Variants in SLC35F4 observed in about 807,000 individuals in gnomAD.
The protein encoded by SLC35F4 is chromosome 14 open reading frame 36.
SLC35F4 carries 24 observed loss-of-function variants against 44.2 expected under a neutral mutation model. The ratio of observed to expected loss-of-function variants is 0.54; its 90% CI spans 0.39 to 0.76. The LOEUF (loss-of-function observed/expected upper bound fraction) is 0.76, where lower values mean the gene tolerates loss of function less well. SLC35F4 is among the 30% of genes least tolerant of loss of function. SLC35F4 has a pLI of 0.00. For missense variants in SLC35F4, 562 were observed against 586.1 expected, an observed-to-expected ratio of 0.96 and a Z score of 0.42; for synonymous variants, 238 against 223.6, an observed-to-expected ratio of 1.06 and a Z score of -0.57.
chr14:57,622,584 C>A (rs2072243654), intron 1 of SLC35F4, among the ~76,000 whole-genome samples: 3 of 148,870 alleles, frequency 2.0e-5, no homozygotes, highest in South Asian at 4.4e-4. Flanking sequence ...AAACCAAAAA[C>A]TGCATATTCT....
chr14:57,600,549 G>A (rs956412553), intron 1 of SLC35F4, among the ~76,000 whole-genome samples: 29 of 148,056 alleles, frequency 2.0e-4, no homozygotes, highest in Non-Finnish European at 6.0e-5. Flanking sequence ...AAAATTAGCC[G>A]GGCGTAGTGG....
chr14:57,565,747 G>C (rs991411419), intron 7 of SLC35F4, among the ~76,000 whole-genome samples: 24 of 152,092 alleles, frequency 1.6e-4, no homozygotes, highest in African/African-American at 5.3e-4. Context: ...TACAAATTCA[G>C]CCATAAGCAT....
intron 1 of SLC35F4, among the ~76,000 whole-genome samples, chr14:57,926,732 G>C (rs550818588): frequency 1.0e-4 from 15 of 150,178 alleles, no homozygotes; most frequent in South Asian, 2.2e-4. Flanking sequence ...GGTTGGGGGG[G>C]GGGGGTGGAT....
At chr14:57,688,064 C>A (rs2075118877) in intron 1 of SLC35F4, among the ~76,000 whole-genome samples, 1 of 152,038 alleles carries the variant, frequency 6.6e-6, no homozygotes, top group Non-Finnish European at 1.5e-5. Context: ...TGATAGATAT[C>A]ATTTATAAAG....
At chr14:57,730,950 G>A (rs1463927281) in intron 1 of SLC35F4, among the ~76,000 whole-genome samples, 2 of 152,312 alleles carry the variant, frequency 1.3e-5, no homozygotes, top group East Asian at 3.9e-4. Flanking sequence ...TGCGCCCTGT[G>A]TTAGGGGCAG....
intron 1 of SLC35F4, among the ~76,000 whole-genome samples, chr14:57,757,941 T>C (rs991685047): frequency 6.6e-6 from 1 of 151,860 alleles, no homozygotes; most frequent in African/African-American, 2.4e-5. Flanking sequence ...GTATGTGTGA[T>C]AAAGGCTTTA....
chr14:57,581,160 C>G, intron 4 of SLC35F4, 54 bp downstream of exon 4: 1 of 1,455,116 alleles, frequency 6.9e-7, no homozygotes, highest in Non-Finnish European at 9.1e-7. Flanking sequence ...TCTCCTGAAG[C>G]CAAGGAGTTA....
chr14:57,655,206 A>T (rs1310843749), intron 1 of SLC35F4, among the ~76,000 whole-genome samples: 7 of 151,742 alleles, frequency 4.6e-5, no homozygotes, highest in Non-Finnish European at 8.8e-5. Context: ...TCCTTTTTTT[A>T]AAAAAAATAC....
At chr14:57,692,765 A>C (rs1360696942) in intron 1 of SLC35F4, among the ~76,000 whole-genome samples, 2 of 152,118 alleles carry the variant, frequency 1.3e-5, no homozygotes, top group Admixed American at 1.3e-4. Flanking sequence ...GATACAATTT[A>C]ACTGAAAAAC....
intron 1 of SLC35F4, among the ~76,000 whole-genome samples, chr14:57,639,418 T>C (rs1418089207): frequency 6.6e-6 from 1 of 152,062 alleles, no homozygotes; most frequent in Middle Eastern, 3.2e-3. Context: ...CCTATGTTAA[T>C]ATAGTGTTTT....
intron 1 of SLC35F4, among the ~76,000 whole-genome samples, chr14:57,686,186 C>T (rs758922278): frequency 2.0e-5 from 3 of 152,106 alleles, no homozygotes; most frequent in Admixed American, 1.3e-4. Context: ...TCTCATATTA[C>T]TGGGTCATTA....
At chr14:57,701,915 T>C (rs975370372) in intron 1 of SLC35F4, among the ~76,000 whole-genome samples, 3 of 151,978 alleles carry the variant, frequency 2.0e-5, no homozygotes, top group African/African-American at 7.3e-5. Context: ...AAAATAGAAA[T>C]TGTGGATAAT....
At chr14:57,963,789 C>A (rs549471018) in intron 1 of SLC35F4, among the ~76,000 whole-genome samples, 1 of 130,974 alleles carries the variant, frequency 7.6e-6, no homozygotes, top group Non-Finnish European at 1.5e-5. Context: ...GTCGTGCAAT[C>A]GTATTTCACT....
Position 57,964,975 on chromosome 14 carries a change from A to G in SLC35F4, n.282+16938T>C, listed in dbSNP as rs761764599. On this transcript the variant is annotated intron_variant and non_coding_transcript_variant, in intron 1 of 1. Transcript: ENST00000556568. ...ATAATGATTAATGCTCCCATGGGGG[A>G]AAAAAAAAAAAAAAAAATATATATA... Among the ~76,000 whole-genome samples, 258 of 55,642 alleles carry G rather than the reference A, an allele frequency of 4.6e-3. 1 individual carries two copies. The highest frequency in any genetic ancestry group is 0.017 in the South Asian group (26 of 1,540). The allele number at this position is 55,642 out of a possible 152,430, so 36.5% of individuals were successfully genotyped here.
chr14:57,627,035 TAG>T (rs2072514486), intron 1 of SLC35F4, among the ~76,000 whole-genome samples: 1 of 152,156 alleles, frequency 6.6e-6, no homozygotes, highest in Non-Finnish European at 1.5e-5. Flanking sequence ...TCCTGGTCTA[TAG>T]TAACTCCAAT....
chr14:57,917,754 G>A (rs191937904), intron 1 of SLC35F4, among the ~76,000 whole-genome samples: 8 of 152,268 alleles, frequency 5.3e-5, no homozygotes, highest in Admixed American at 3.3e-4. Flanking sequence ...AATATTGCAC[G>A]ATGTTGAGGT....
At chr14:57,674,562 T>A (rs1446541087) in intron 1 of SLC35F4, among the ~76,000 whole-genome samples, 1 of 152,144 alleles carries the variant, frequency 6.6e-6, no homozygotes, top group East Asian at 1.9e-4. Flanking sequence ...TGCAACAATG[T>A]GGGTGGATCT....
intron 1 of SLC35F4, among the ~76,000 whole-genome samples, chr14:57,835,322 C>T (rs1327505944): frequency 6.6e-6 from 1 of 152,162 alleles, no homozygotes; most frequent in African/African-American, 2.4e-5. Context: ...GTGGTGAAGC[C>T]ACATTAATAC....
At chr14:57,676,661 A>C (rs928507996) in intron 1 of SLC35F4, among the ~76,000 whole-genome samples, 1 of 152,138 alleles carries the variant, frequency 6.6e-6, no homozygotes, top group Admixed American at 6.6e-5. Flanking sequence ...ACATATAAAA[A>C]TACTCTATAT....
Sources: allele counts gnomAD v4.1 joint callset (sites outside exome capture counted in the v4.1 genomes callset), GRCh38; gene constraint gnomAD v4.1.1; transcripts MANE v1.5; gene names NCBI Gene and HGNC (gene_info 2026-07-23, HGNC 2026-07-21).